GATB: variants seen among roughly 807,000 people sequenced by gnomAD.
GATB encodes glutamyl-tRNA amidotransferase subunit B.
Under a neutral mutation model 62.3 loss-of-function variants are expected in GATB, and 39 were observed. That is an observed-to-expected ratio of 0.63 (90% CI 0.48 to 0.82). GATB has a LOEUF of 0.82. GATB is among the 40% of genes least tolerant of loss of function. The probability of loss-of-function intolerance (pLI) is 0.00; values close to 1 mark genes in which losing one functional copy is unlikely to be tolerated. For synonymous variants in GATB, 276 were observed against 258.9 expected, an observed-to-expected ratio of 1.07 and a Z score of -0.63; for missense variants, 670 against 684.0, an observed-to-expected ratio of 0.98 and a Z score of 0.23.
At chr4:151,683,757 A>G (rs1380136898) in intron 10 of GATB, among the ~76,000 whole-genome samples, 2 of 152,244 alleles carry the variant, frequency 1.3e-5, no homozygotes, top group Non-Finnish European at 2.9e-5. Flanking sequence ...GAAACAGGCC[A>G]GAGGCTGACA....
Position 151,688,567 on chromosome 4 carries a change from A to G in GATB, c.1331+63T>C, listed in dbSNP as rs993798581. The G allele has an allele frequency of 4.6e-6, 7 of 1,525,960 alleles. No individual in the cohort carries two copies. In the African/African-American group the frequency reaches 8.4e-5, roughly 18 times the overall value. The allele number at this position is 1,525,960 out of a possible 1,614,324, so 94.5% of individuals were successfully genotyped here. ...AGGAGCAAAAAAATGGACCTGCCCT[A>G]TTTCCAGCACTTCTGGACAGAGCTC... On this transcript the variant is annotated intron_variant, in intron 10 of 12. Transcript: ENST00000263985.
chr4:151,696,834 G>C (rs565149288), intron 9 of GATB, among the ~76,000 whole-genome samples: 14 of 152,336 alleles, frequency 9.2e-5, no homozygotes, highest in African/African-American at 3.4e-4. Flanking sequence ...TAAGAAAAAT[G>C]CACATGCATA....
chr4:151,672,580 C>T (rs527262569), intron 12 of GATB, 182 bp downstream of exon 12: 3 of 593,708 alleles, frequency 5.1e-6, no homozygotes, highest in African/African-American at 3.7e-5. Context: ...TGTGTTTTTC[C>T]AATATCCACC....
chr4:151,715,932 A>G (rs890097258), intron 5 of GATB, 77 bp downstream of exon 5: 39 of 1,505,162 alleles, frequency 2.6e-5, no homozygotes, highest in Non-Finnish European at 3.3e-5. Flanking sequence ...ATAGACAGAA[A>G]ATAAAACTAA....
At chr4:151,736,449 AATGTAT>A (rs1434709273) in intron 2 of GATB, among the ~76,000 whole-genome samples, 2 of 152,118 alleles carry the variant, frequency 1.3e-5, no homozygotes, top group Admixed American at 6.5e-5. Context: ...TCACTATGTA[AATGTAT>A]ATGTATATTT....
intron 2 of GATB, chr4:151,721,814 G>A (rs948960265): frequency 1.1e-5 from 2 of 189,790 alleles, no homozygotes; most frequent in African/African-American, 2.3e-5. Context: ...TTTCAAGCAC[G>A]CACCATAGCC....
intron 10 of GATB, among the ~76,000 whole-genome samples, chr4:151,683,510 C>G (rs534279085): frequency 1.3e-5 from 2 of 152,274 alleles, no homozygotes; most frequent in South Asian, 4.2e-4. Context: ...GACCCCTAGC[C>G]GTGAGGAGGA....
At chr4:151,719,284 G>A (rs1434318241) in intron 3 of GATB, 141 bp downstream of exon 3, 4 of 607,648 alleles carry the variant, frequency 6.6e-6, no homozygotes, top group Admixed American at 3.3e-5. Flanking sequence ...ATCAGGGCTG[G>A]GCCGAACTTC....
intron 3 of GATB, 120 bp downstream of exon 3, chr4:151,719,305 G>A: frequency 1.4e-6 from 1 of 692,224 alleles, no homozygotes; most frequent in South Asian, 1.7e-5. Context: ...CTGCTGGGAT[G>A]GACACAGTGC....
At chr4:151,714,766 A>C (rs1738882257) in intron 5 of GATB, among the ~76,000 whole-genome samples, 1 of 152,206 alleles carries the variant, frequency 6.6e-6, no homozygotes, top group African/African-American at 2.4e-5. Flanking sequence ...TAACCATCCA[A>C]CTTGCCCACA....
chr4:151,755,459 T>C (rs897207599), intron 2 of GATB, among the ~76,000 whole-genome samples: 1 of 152,222 alleles, frequency 6.6e-6, no homozygotes, highest in Non-Finnish European at 1.5e-5. Context: ...ATATAAGTCT[T>C]TGCCCACATG....
rs137970748 is a variant in GATB, at chr4:151,671,237, C to A, written c.1611G>T (p.Ala537=). 3.1e-6 allele frequency: 5 copies of A among 1,614,096 alleles called. No homozygotes were observed. The highest frequency in any genetic ancestry group is 4.2e-6 in the Non-Finnish European group (5 of 1,179,992). The change falls in exon 13 of 13, where the codon GCG becomes GCT. Residue 537 remains alanine (A), a synonymous_variant. Transcript: ENST00000263985. Reference sequence around the variant, plus strand: ...TGACTGGATCTGCTCGGCTTTGAGTCGCTTTCCGGACCAACCCAATCAGTT... The same window carrying A: ...TGACTGGATCTGCTCGGCTTTGAGTAGCTTTCCGGACCAACCCAATCAGTT... ...INKLIGLVRK[A]TQSRADPVMI...
intron 9 of GATB, among the ~76,000 whole-genome samples, chr4:151,689,753 T>G (rs1286627071): frequency 6.6e-6 from 1 of 152,242 alleles, no homozygotes; most frequent in South Asian, 2.1e-4. Flanking sequence ...GAGGCGCGCA[T>G]TCTTATCATA....
intron 2 of GATB, among the ~76,000 whole-genome samples, chr4:151,753,689 G>A (rs755990602): frequency 3.0e-4 from 45 of 152,116 alleles, no homozygotes; most frequent in African/African-American, 8.2e-4. Flanking sequence ...TTTTATTGCA[G>A]TAAGAACACT....
chr4:151,712,363 C>A (rs764238022), intron 5 of GATB, among the ~76,000 whole-genome samples: 8 of 152,210 alleles, frequency 5.3e-5, no homozygotes, highest in Non-Finnish European at 1.0e-4. Context: ...TTCTGCACCA[C>A]TGAGGGACAG....
chr4:151,701,760 T>C (rs1273479874), intron 8 of GATB, among the ~76,000 whole-genome samples: 1 of 152,234 alleles, frequency 6.6e-6, no homozygotes, highest in Non-Finnish European at 1.5e-5. Context: ...AACACAGGCT[T>C]GAAGTCACAC....
At chr4:151,739,684 G>C (rs913657741) in intron 2 of GATB, among the ~76,000 whole-genome samples, 1 of 152,098 alleles carries the variant, frequency 6.6e-6, no homozygotes, top group African/African-American at 2.4e-5. Context: ...TGCTTTTGAG[G>C]GCACAATTTG....
At chr4:151,691,945 T>C (rs79881455) in intron 9 of GATB, among the ~76,000 whole-genome samples, 1 of 152,270 alleles carries the variant, frequency 6.6e-6, no homozygotes, top group East Asian at 1.9e-4. Context: ...AGATGAGCCA[T>C]TCTGGGCTAG....
intron 2 of GATB, among the ~76,000 whole-genome samples, chr4:151,751,906 G>A (rs1374653165): frequency 6.6e-6 from 1 of 151,758 alleles, no homozygotes; most frequent in Non-Finnish European, 1.5e-5. Flanking sequence ...CTTTATTCTG[G>A]AGCCACCTTC....
Sources: allele counts gnomAD v4.1 joint callset (sites outside exome capture counted in the v4.1 genomes callset), GRCh38; gene constraint gnomAD v4.1.1; transcripts MANE v1.5; gene names NCBI Gene and HGNC (gene_info 2026-07-23, HGNC 2026-07-21).